The following LRRC4C variants were observed in gnomAD, a reference collection of about 807,000 sequenced individuals.
The protein encoded by LRRC4C is leucine-rich repeat-containing protein 4C.
A neutral mutation model predicts 33.6 loss-of-function variants in LRRC4C; 5 were observed. The ratio of observed to expected loss-of-function variants is 0.15; its 90% CI spans 0.08 to 0.31. The LOEUF is 0.31. Ranked by LOEUF, LRRC4C falls within the 10% of genes least tolerant of loss-of-function variation. The pLI is 1.00. For missense variants in LRRC4C, 560 were observed against 796.7 expected (o/e 0.70, Z 3.58); for synonymous variants, 329 against 302.0 (o/e 1.09, Z -0.93).
chr11:41,276,277 G>A (rs550111057), intron 1 of LRRC4C, among the ~76,000 whole-genome samples: 1 of 152,248 alleles, frequency 6.6e-6, no homozygotes, highest in South Asian at 2.1e-4. Context: ...CTCTACAGAT[G>A]TCCTTGAGTT....
intron 1 of LRRC4C, among the ~76,000 whole-genome samples, chr11:41,349,067 T>C (rs1350680472): frequency 6.6e-6 from 1 of 152,152 alleles, no homozygotes; most frequent in Admixed American, 6.5e-5. Flanking sequence ...TCCTGTAGGA[T>C]GGGGTCAGTC....
chr11:40,705,759 C>T (rs1375806131), intron 2 of LRRC4C, among the ~76,000 whole-genome samples: 1 of 151,968 alleles, frequency 6.6e-6, no homozygotes, highest in Non-Finnish European at 1.5e-5. Context: ...TTTCTAGTTC[C>T]AGATCTTTGA....
chr11:41,235,609 C>A (rs578073109), intron 1 of LRRC4C, among the ~76,000 whole-genome samples: 4 of 152,096 alleles, frequency 2.6e-5, no homozygotes, highest in African/African-American at 9.7e-5. Context: ...ACAACCAGTA[C>A]GTCTGAAAAT....
intron 3 of LRRC4C, among the ~76,000 whole-genome samples, chr11:40,386,995 TTAA>T (rs1949137367): frequency 6.6e-6 from 1 of 152,204 alleles, no homozygotes; most frequent in South Asian, 2.1e-4. Flanking sequence ...TAATTTGCAG[TTAA>T]TAATGATGCA....
intron 4 of LRRC4C, among the ~76,000 whole-genome samples, chr11:40,312,576 A>G (rs969398060): frequency 6.6e-6 from 1 of 152,170 alleles, no homozygotes; most frequent in African/African-American, 2.4e-5. Flanking sequence ...CCTTTTAAAA[A>G]AGGGATTCCC....
chr11:40,998,131 A>C (rs2137339872), intron 1 of LRRC4C, among the ~76,000 whole-genome samples: 1 of 152,198 alleles, frequency 6.6e-6, no homozygotes, highest in South Asian at 2.1e-4. Flanking sequence ...ATAAATTCTA[A>C]ATTTATTGTT....
chr11:40,324,821 G>A (rs887221206), intron 3 of LRRC4C, among the ~76,000 whole-genome samples: 7 of 152,190 alleles, frequency 4.6e-5, no homozygotes, highest in East Asian at 1.9e-4. Flanking sequence ...ACTGAAGAGC[G>A]TAAGCTTTGG....
chr11:40,213,522 T>C (rs570741882), intron 5 of LRRC4C, among the ~76,000 whole-genome samples: 2 of 152,172 alleles, frequency 1.3e-5, no homozygotes, highest in African/African-American at 2.4e-5. Flanking sequence ...CTCCAAATTA[T>C]TGTGGTCTCC....
intron 3 of LRRC4C, among the ~76,000 whole-genome samples, chr11:40,391,354 T>A (rs1949328847): frequency 1.3e-5 from 2 of 149,192 alleles, no homozygotes; most frequent in South Asian, 4.3e-4. Context: ...TTCACAAATC[T>A]GATGTATGTA....
chr11:41,090,358 T>C (rs1202250026), intron 1 of LRRC4C, among the ~76,000 whole-genome samples: 1 of 152,158 alleles, frequency 6.6e-6, no homozygotes, highest in Non-Finnish European at 1.5e-5. Flanking sequence ...TGTTCTAGTT[T>C]GTTGTTTATT....
At chr11:40,296,323 T>C (rs1944509771) in intron 4 of LRRC4C, among the ~76,000 whole-genome samples, 1 of 152,156 alleles carries the variant, frequency 6.6e-6, no homozygotes, top group Non-Finnish European at 1.5e-5. Flanking sequence ...TTATTGAGCA[T>C]CCATATGGCA....
intron 1 of LRRC4C, among the ~76,000 whole-genome samples, chr11:41,406,744 A>ACG (rs1299864168): frequency 6.1e-4 from 91 of 149,652 alleles, no homozygotes; most frequent in African/African-American, 2.2e-3. Context: ...ACACACACAC[A>ACG]CACACACGCA....
intron 1 of LRRC4C, among the ~76,000 whole-genome samples, chr11:41,370,327 G>A (rs1952698581): frequency 6.6e-6 from 1 of 152,102 alleles, no homozygotes; most frequent in African/African-American, 2.4e-5. Context: ...GGGACCATAG[G>A]TGTGTACCAC....
At position 40,600,958 on chromosome 11, in the gene LRRC4C, A is replaced by T. The variant is rs193300216; in HGVS notation, c.-270+47184T>A. Among the ~76,000 whole-genome samples the T allele has an allele frequency of 3.6e-3, 543 of 152,300 alleles. 6 individuals carry two copies. Among genetic ancestry groups the T allele is most frequent in the Admixed American group, 8.8e-3 (134 of 15,300 alleles). On this transcript the variant is annotated intron_variant, in intron 3 of 6. Coordinates refer to ENST00000528697, the MANE Select transcript of LRRC4C (RefSeq NM_001258419.2). ...ATTTAGTGTCTTGTGTAGAAAGGCAATTTAGATTTTTACCACTCCAACCTG... is the reference window on the plus strand; with the variant it reads ...ATTTAGTGTCTTGTGTAGAAAGGCATTTTAGATTTTTACCACTCCAACCTG...
At position 41,368,273 on chromosome 11, in the gene LRRC4C, C is replaced by T. The variant is rs562396586; in HGVS notation, c.-496+91158G>A. Among the ~76,000 whole-genome samples, 4 of 152,270 alleles carry T rather than the reference C, an allele frequency of 2.6e-5. No homozygotes were observed. The South Asian group carries it at 8.3e-4, about 32-fold the overall frequency. ...GATACACCCATTATTCTTTCTGTCA[C>T]TCTATCCTGAGCAATCAGTGTCCAA... On this transcript the variant is annotated intron_variant, in intron 1 of 6. Transcript: ENST00000528697.
chr11:40,534,769 GT>G (rs1302543107), intron 3 of LRRC4C, among the ~76,000 whole-genome samples: 1 of 152,132 alleles, frequency 6.6e-6, no homozygotes, highest in African/African-American at 2.4e-5. Flanking sequence ...AACCCTTTTG[GT>G]TTTAGGGCAA....
intron 3 of LRRC4C, among the ~76,000 whole-genome samples, chr11:40,350,541 G>C (rs61888677): frequency 0.25 from 38,366 of 151,874 alleles, 5,769 homozygotes; most frequent in Non-Finnish European, 0.32. Flanking sequence ...CTACAGTTTT[G>C]TTCTTTTTGC....
chr11:41,034,378 A>C (rs1856905919), intron 1 of LRRC4C, among the ~76,000 whole-genome samples: 2 of 150,390 alleles, frequency 1.3e-5, no homozygotes, highest in Admixed American at 6.7e-5. Flanking sequence ...TAAATTACCC[A>C]CTGCTATTCT....
intron 4 of LRRC4C, among the ~76,000 whole-genome samples, chr11:40,260,217 T>C (rs865775071): frequency 8.2e-6 from 1 of 122,440 alleles, no homozygotes; most frequent in East Asian, 2.2e-4. Context: ...TGGAATACTA[T>C]GCAGCCATAA....
Sources: gnomAD v4.1 joint callset for allele counts (sites outside exome capture counted in the v4.1 genomes callset) on GRCh38, gnomAD v4.1.1 for gene constraint, MANE v1.5 for transcripts, NCBI Gene and HGNC (gene_info 2026-07-23, HGNC 2026-07-21) for gene names.